The following NLRP7 variants were observed in gnomAD, a reference collection of about 807,000 sequenced individuals.
NLRP7 encodes NLR family pyrin domain containing 7, also known as NACHT, LRR and PYD domains-containing protein 7.
A neutral mutation model predicts 85.5 loss-of-function variants in NLRP7; 72 were observed. That is an observed-to-expected ratio of 0.84 (90% CI 0.70 to 1.02). The LOEUF is 1.02. NLRP7 is among the 50% of genes least tolerant of loss of function. NLRP7 has a pLI of 0.00. For missense variants in NLRP7, 1,243 were observed against 1,219.5 expected (o/e 1.02, Z -0.29); for synonymous variants, 550 against 505.2 (o/e 1.09, Z -1.19).
chr19:54,947,665 C>T, upstream of NLRP7: 1 of 1,288,366 alleles, frequency 7.8e-7, no homozygotes, highest in Non-Finnish European at 1.0e-6. Flanking sequence ...TGGGCCCCAT[C>T]CTCAGGGATT....
exon 4 of NLRP7, chr19:54,940,071 A>G (rs1219477845): frequency 5.6e-6 from 9 of 1,614,156 alleles, no homozygotes; most frequent in Non-Finnish European, 7.6e-6. Flanking sequence ...TCGACCACGA[A>G]CAGGATTCTC....
At chr19:54,933,028 A>T (rs1425621203) in intron 8 of NLRP7, among the ~76,000 whole-genome samples, 1 of 152,170 alleles carries the variant, frequency 6.6e-6, no homozygotes, top group African/African-American at 2.4e-5. Context: ...GAAAGAACAC[A>T]CACAAAGCAT....
Position 54,939,591 on chromosome 19 carries a change from C to A in NLRP7, c.1228G>T (p.Gly410Cys), listed in dbSNP as rs1308220457. The change falls in exon 4 of 10, where the codon GGC becomes TGC. Residue 410 changes from glycine to cysteine, a missense_variant. By Grantham distance (159) the Gly-to-Cys change is radical (BLOSUM62 -3). This residue lies in a region of NLRP7 where 591 missense variants were observed against 563.3 expected (regional missense o/e 1.05). Transcript: ENST00000340844. ...AGGAGGCTCAGCGTCCGCAGCGCGC[C>A]CCGCAGCTGTGCGCCCTGCGGGAAC... is the stretch of plus-strand genomic sequence containing the variant. The A allele has an allele frequency of 2.5e-6, 4 of 1,611,402 alleles. No individual in the cohort carries two copies. In the South Asian group the frequency reaches 4.4e-5, roughly 18 times the overall value.
At chr19:54,949,274 T>TAAAAAAAA (rs11414677), upstream of NLRP7, among the ~76,000 whole-genome samples, 1 of 132,000 alleles carries the variant, frequency 7.6e-6, no homozygotes, top group East Asian at 2.2e-4. Flanking sequence ...ACTCCATCTT[T>TAAAAAAAA]AAAAAAAAAA....
chr19:54,933,128 G>C (rs1174148535), intron 8 of NLRP7, among the ~76,000 whole-genome samples: 3 of 151,570 alleles, frequency 2.0e-5, no homozygotes, highest in Admixed American at 2.0e-4. Context: ...GTTTCTACCT[G>C]TATCTGCCTG....
At chr19:54,942,255 CAAAAAA>C (rs576434793) in intron 1 of NLRP7, among the ~76,000 whole-genome samples, 2,952 of 59,324 alleles carry the variant, frequency 0.05, 95 homozygotes, top group African/African-American at 0.15. Flanking sequence ...GACTCCGTCT[CAAAAAA>C]AAAAAAAAAA....
At chr19:54,938,949 CCTGCAGTGAGAGTTT>C (rs1238695582) in exon 4 of NLRP7, 1 of 1,613,988 alleles carries the variant, frequency 6.2e-7, no homozygotes, top group African/African-American at 1.3e-5. Flanking sequence ...CCCTTTGCTA[CCTGCAGTGAGAGTTT>C]CTGCAAGTCT....
exon 4 of NLRP7, chr19:54,940,310 G>A (rs964580852): frequency 6.2e-7 from 1 of 1,614,106 alleles, no homozygotes; most frequent in African/African-American, 1.3e-5. Flanking sequence ...CGTGTAAGGT[G>A]TTAGCTTCCT....
At position 54,956,710 on chromosome 19, in the gene NLRP7, C is replaced by T. The variant is rs375838212; in HGVS notation, c.-76-9205G>A. Among the ~76,000 whole-genome samples, 6 of 150,876 alleles carry T rather than the reference C, an allele frequency of 4.0e-5. No homozygotes were observed. The East Asian group carries it at 5.9e-4, about 15-fold the overall frequency. On this transcript the variant is annotated intron_variant, in intron 1 of 2. Transcript: ENST00000587103. ...CTCTCCCTCAAAAAAAAAAAAAGGC[C>T]GGGCGCAGTGGCTCACGCCTATAAT...
chr19:54,938,300 C>T, intron 4 of NLRP7, 59 bp from the exon 5 acceptor site: 1 of 1,385,508 alleles, frequency 7.2e-7, no homozygotes, highest in Non-Finnish European at 1.0e-6. Flanking sequence ...AGATGGGCAT[C>T]TGCAAACCAC....
At chr19:54,927,546 A>C in intron 9 of NLRP7, 59 bp downstream of exon 10, 21 of 1,469,946 alleles carry the variant, frequency 1.4e-5, no homozygotes, top group East Asian at 2.3e-5. Context: ...ACAGAGCACG[A>C]CTCCATCTCA....
At chr19:54,939,499 C>T (rs748831860) in exon 4 of NLRP7, 7 of 1,613,554 alleles carry the variant, frequency 4.3e-6, no homozygotes, top group Non-Finnish European at 5.9e-6. Context: ...CGGACTCCTG[C>T]ACCCCGAGCC....
chr19:54,962,851 G>A (rs1031322672), intron 1 of NLRP7, among the ~76,000 whole-genome samples: 19 of 151,404 alleles, frequency 1.3e-4, no homozygotes, highest in African/African-American at 2.4e-4. Context: ...CGCCCGCCTC[G>A]GCCTCCCAAA....
intron 1 of NLRP7, among the ~76,000 whole-genome samples, chr19:54,964,618 T>C (rs1052576800): frequency 6.6e-6 from 1 of 151,116 alleles, no homozygotes; most frequent in African/African-American, 2.4e-5. Context: ...AGGTCAGGAG[T>C]TTGAGACCAG....
rs991808168 is a variant in NLRP7 at position 54,939,361 on chromosome 19, C to G, written c.1458G>C (p.Glu486Asp). Residue 486 changes from glutamate to aspartate, a missense_variant, in exon 4 of 10, where the codon GAG becomes GAC. This residue lies in a region of NLRP7 where 39 missense variants were observed against 67.9 expected (regional missense o/e 0.57). Coordinates refer to ENST00000340844, the Ensembl canonical transcript of NLRP7. ...AGGCGTGGCCGTCCCTGTCCTCCCC[C>G]TCCTCCTTCTCCAGGGCGTAGAACA... 3 of 1,613,982 alleles carry G rather than the reference C, an allele frequency of 1.9e-6. No homozygotes were observed. The African/African-American group carries it at 4.0e-5, about 22-fold the overall frequency.
chr19:54,942,083 C>T (rs2069253916), intron 1 of NLRP7, among the ~76,000 whole-genome samples: 1 of 151,638 alleles, frequency 6.6e-6, no homozygotes, highest in Non-Finnish European at 1.5e-5. Flanking sequence ...GAAACCCCTG[C>T]CTCTACTAAA....
At chr19:54,924,078 A>G (rs545840625) in intron 9 of NLRP7, among the ~76,000 whole-genome samples, 8 of 152,194 alleles carry the variant, frequency 5.3e-5, no homozygotes, top group African/African-American at 1.9e-4. Context: ...AGCAATTCTC[A>G]TGCCTCAGGC....
chr19:54,963,335 CCT>C lies in NLRP7; in HGVS notation c.-77+2703_-77+2704del, dbSNP rs150717221. ...ACCAGCCTAGGCGACAGAGTGAGAC[CCT>C]GTCTCAAAAAGAAAAAACGAAAAGA... On this transcript the variant is annotated intron_variant, in intron 1 of 2. Transcript: ENST00000587103. Among the ~76,000 whole-genome samples the C allele has an allele frequency of 1.4e-4, 21 of 150,888 alleles. No homozygotes were observed. The East Asian group carries it at 4.2e-3, about 30-fold the overall frequency.
Position 54,934,491 on chromosome 19 carries a change from C to G in NLRP7, c.2469G>C (p.Leu823Phe), listed in dbSNP as rs777487674. The G allele has an allele frequency of 6.2e-7, 1 of 1,614,142 alleles. No individual in the cohort carries two copies. The highest frequency in any genetic ancestry group is 8.5e-7 in the Non-Finnish European group (1 of 1,179,994). Residue 823 changes from leucine (L) to phenylalanine (F), a missense_variant and splice_region_variant, in exon 7 of 10, where the codon TTG becomes TTC. Leu to Phe is a conservative substitution (Grantham distance 22). Around this residue, in one of 3 missense-constraint regions of NLRP7, gnomAD observed 613 missense variants for 588.4 expected, o/e 1.04. Coordinates refer to ENST00000340844, the Ensembl canonical transcript of NLRP7. This position sits in a 1 kb window ranked among gnomAD's most constrained non-coding sequence, Gnocchi z 6.7. ...GCCCATGGGAAGAGGAGACTTACGA[C>G]AACATCTGCAGGAAGTGTTTTGGGC...
Sources: gnomAD v4.1 joint callset for allele counts (sites outside exome capture counted in the v4.1 genomes callset) on GRCh38, gnomAD v4.1.1 for gene constraint, gnomAD v4.1.1 regional missense constraint, Gnocchi (gnomAD v3.1) non-coding constraint, MANE v1.5 for transcripts, NCBI Gene and HGNC (gene_info 2026-07-23, HGNC 2026-07-21) for gene names.